CNTN5: variants seen among roughly 807,000 people sequenced by gnomAD.
CNTN5 encodes contactin 5, also known as contactin-5.
In CNTN5, 77 loss-of-function variants were observed where a neutral mutation model predicts 129.1. That is an observed-to-expected ratio of 0.60 (90% CI 0.50 to 0.72). The LOEUF (loss-of-function observed/expected upper bound fraction) is 0.72. Ranked by LOEUF, CNTN5 falls within the 30% of genes least tolerant of loss-of-function variation. The pLI is 0.00. For missense variants in CNTN5, 1,478 were observed against 1,328.8 expected, an observed-to-expected ratio of 1.11 and a Z score of -1.75; for synonymous variants, 509 against 465.6, an observed-to-expected ratio of 1.09 and a Z score of -1.20.
At chr11:100,302,193 T>G (rs575449634) in intron 20 of CNTN5, among the ~76,000 whole-genome samples, 2 of 151,608 alleles carry the variant, frequency 1.3e-5, no homozygotes, top group Non-Finnish European at 3.0e-5. Context: ...TTGCTTTACT[T>G]AAAAAGGAGT....
chr11:99,350,026 AT>A (rs960611348), intron 2 of CNTN5, among the ~76,000 whole-genome samples: 4 of 152,024 alleles, frequency 2.6e-5, no homozygotes, highest in African/African-American at 7.2e-5. Context: ...GTGGAAGAAT[AT>A]TTTTTTCAAG....
At chr11:99,636,398 T>C (rs1287695535) in intron 3 of CNTN5, among the ~76,000 whole-genome samples, 3 of 151,704 alleles carry the variant, frequency 2.0e-5, no homozygotes, top group African/African-American at 7.3e-5. Flanking sequence ...TTTTTTGTTG[T>C]TGTTGTTTGC....
At chr11:99,620,051 T>C (rs772210028) in intron 3 of CNTN5, among the ~76,000 whole-genome samples, 90 of 114,122 alleles carry the variant, frequency 7.9e-4, no homozygotes, top group Non-Finnish European at 1.4e-3. Context: ...AAAACAAAGC[T>C]TAGATCAGTT....
At chr11:99,742,967 A>G (rs10501922) in intron 3 of CNTN5, among the ~76,000 whole-genome samples, 28,679 of 152,168 alleles carry the variant, frequency 0.19, 2,776 homozygotes, top group Non-Finnish European at 0.2. Context: ...ACCTACTGAC[A>G]TGTTTATCTT....
chr11:99,317,197 G>T (rs763612064), intron 1 of CNTN5, among the ~76,000 whole-genome samples: 1 of 152,088 alleles, frequency 6.6e-6, no homozygotes, highest in African/African-American at 2.4e-5. Context: ...GTGACAAATG[G>T]CAGTAACAAA....
chr11:99,375,277 T>C (rs1425059970), intron 2 of CNTN5, among the ~76,000 whole-genome samples: 3 of 118,562 alleles, frequency 2.5e-5, no homozygotes, highest in Non-Finnish European at 4.8e-5. Context: ...CACTCCAGCC[T>C]GGGTGACAGA....
rs79914397 is a variant in CNTN5, at chr11:99,921,277, C to G, written c.673+5128C>G. On this transcript the variant is annotated intron_variant, in intron 7 of 24. Transcript: ENST00000524871. ...TTTGCCTCCAATTGATCTGTCTGAA[C>G]TCAGCTACTGCTTTCCCTCCTACTC... Among the ~76,000 whole-genome samples the G allele has an allele frequency of 7.7e-4, 117 of 152,258 alleles. No individual in the cohort carries two copies. In the East Asian group the frequency reaches 0.017, roughly 22 times the overall value.
chr11:100,168,014 C>A (rs1947696468), intron 13 of CNTN5, among the ~76,000 whole-genome samples: 1 of 151,820 alleles, frequency 6.6e-6, no homozygotes, highest in South Asian at 2.1e-4. Flanking sequence ...CACAACATTC[C>A]CTTAAACTAA....
At chr11:99,734,330 T>A (rs1258964689) in intron 3 of CNTN5, among the ~76,000 whole-genome samples, 1 of 152,218 alleles carries the variant, frequency 6.6e-6, no homozygotes, top group Non-Finnish European at 1.5e-5. Flanking sequence ...TAGATCTTAT[T>A]CATTCTATCT....
At chr11:99,468,121 G>A (rs1427157594) in intron 2 of CNTN5, among the ~76,000 whole-genome samples, 1 of 152,156 alleles carries the variant, frequency 6.6e-6, no homozygotes, top group East Asian at 1.9e-4. Context: ...ATACATAAAA[G>A]AAGAGAGTGA....
chr11:99,534,014 T>TA (rs896820270), intron 2 of CNTN5, among the ~76,000 whole-genome samples: 4 of 152,200 alleles, frequency 2.6e-5, no homozygotes, highest in African/African-American at 9.7e-5. Context: ...ACAATTCTGT[T>TA]AAAACCCATC....
intron 1 of CNTN5, among the ~76,000 whole-genome samples, chr11:99,241,392 G>A (rs1227006927): frequency 3.2e-5 from 4 of 124,758 alleles, no homozygotes; most frequent in Admixed American, 1.0e-4. Flanking sequence ...TGTTCTCTTC[G>A]GAGATGTGAC....
At chr11:99,035,248 T>G (rs1169010524) in intron 1 of CNTN5, among the ~76,000 whole-genome samples, 2 of 149,362 alleles carry the variant, frequency 1.3e-5, no homozygotes, top group African/African-American at 4.9e-5. Context: ...TATATTCTGT[T>G]GATTTGGGGT....
intron 1 of CNTN5, among the ~76,000 whole-genome samples, chr11:99,135,872 T>C (rs550920527): frequency 2.6e-4 from 40 of 152,148 alleles, no homozygotes; most frequent in Non-Finnish European, 5.1e-4. Context: ...TCTAAAACAT[T>C]AGTTCTAGAA....
chr11:100,279,704 T>C (rs1350214203), intron 18 of CNTN5, among the ~76,000 whole-genome samples: 1 of 151,822 alleles, frequency 6.6e-6, no homozygotes, highest in East Asian at 1.9e-4. Context: ...TCTCTTTTTT[T>C]CTTAGTCTGG....
intron 3 of CNTN5, among the ~76,000 whole-genome samples, chr11:99,633,812 G>A (rs1314938924): frequency 1.3e-5 from 2 of 151,698 alleles, no homozygotes; most frequent in Non-Finnish European, 2.9e-5. Flanking sequence ...AATACTGTGA[G>A]AAAACATGGG....
At chr11:99,920,353 T>C (rs1391201134) in intron 7 of CNTN5, among the ~76,000 whole-genome samples, 1 of 152,162 alleles carries the variant, frequency 6.6e-6, no homozygotes, top group African/African-American at 2.4e-5. Flanking sequence ...CACACTTTGT[T>C]AGTTTTCACC....
intron 3 of CNTN5, among the ~76,000 whole-genome samples, chr11:99,601,882 T>A (rs10893563): frequency 0.38 from 58,127 of 152,012 alleles, 11,757 homozygotes; most frequent in East Asian, 0.71. Flanking sequence ...CTTTGCTCAA[T>A]AGTAGAGAGT....
chr11:99,498,799 G>A (rs570670852), intron 2 of CNTN5, among the ~76,000 whole-genome samples: 1 of 152,158 alleles, frequency 6.6e-6, no homozygotes, highest in South Asian at 2.1e-4. Context: ...GGAGGTAAAA[G>A]AAATAATTTT....
Sources: gnomAD v4.1 joint callset for allele counts (sites outside exome capture counted in the v4.1 genomes callset) on GRCh38, gnomAD v4.1.1 for gene constraint, MANE v1.5 for transcripts, NCBI Gene and HGNC (gene_info 2026-07-23, HGNC 2026-07-21) for gene names.